ABLIM1: variants seen among roughly 807,000 people sequenced by gnomAD.
ABLIM1 encodes the protein actin-binding LIM protein 1.
A neutral mutation model predicts 107.0 loss-of-function variants in ABLIM1; 40 were observed. The ratio of observed to expected loss-of-function variants is 0.37; its 90% CI spans 0.29 to 0.49. The LOEUF (loss-of-function observed/expected upper bound fraction) is 0.49, where lower values mean the gene tolerates loss of function less well. Among genes scored for constraint, ABLIM1 ranks in the 20% least tolerant of loss-of-function variants. ABLIM1 has a pLI of 0.97. For missense variants in ABLIM1, 857 were observed against 1,008.5 expected, an observed-to-expected ratio of 0.85 and a Z score of 2.04; for synonymous variants, 357 against 357.3, an observed-to-expected ratio of 1.00 and a Z score of 0.01.
chr10:114,713,617 T>C (rs1256478397), intron 1 of ABLIM1, among the ~76,000 whole-genome samples: 1 of 152,224 alleles, frequency 6.6e-6, no homozygotes, highest in African/African-American at 2.4e-5. Context: ...TTTTCATTTG[T>C]GTTGGTCTTT....
chr10:114,591,764 G>T (rs541083267), intron 2 of ABLIM1, among the ~76,000 whole-genome samples: 1 of 124,968 alleles, frequency 8.0e-6, no homozygotes, highest in African/African-American at 3.1e-5. Context: ...GAGACCAGAA[G>T]TATTTCAAAC....
At chr10:114,590,146 G>A (rs2074695530) in intron 2 of ABLIM1, among the ~76,000 whole-genome samples, 1 of 152,156 alleles carries the variant, frequency 6.6e-6, no homozygotes, top group Non-Finnish European at 1.5e-5. Context: ...CATAGCCTAG[G>A]AGTAATAGGC....
chr10:114,571,853 G>T (rs1364462397), intron 3 of ABLIM1, among the ~76,000 whole-genome samples: 1 of 152,196 alleles, frequency 6.6e-6, no homozygotes, highest in East Asian at 1.9e-4. Flanking sequence ...CTGGGACCGT[G>T]CCTAGACCTC....
intron 1 of ABLIM1, among the ~76,000 whole-genome samples, chr10:114,638,711 G>A (rs145172686): frequency 3.1e-3 from 470 of 151,572 alleles, no homozygotes; most frequent in Non-Finnish European, 5.6e-3. Flanking sequence ...ACATCAACAG[G>A]CATTTCTAAA....
At chr10:114,644,329 A>ATATATATATATATATATGTG (rs1158947105) in intron 1 of ABLIM1, among the ~76,000 whole-genome samples, 6 of 114,978 alleles carry the variant, frequency 5.2e-5, no homozygotes, top group African/African-American at 2.5e-4. Context: ...ATATATATAT[A>ATATATATATATATATATGTG]TGTGTATATA....
upstream of ABLIM1, among the ~76,000 whole-genome samples, chr10:114,771,938 A>C (rs1490320371): frequency 1.3e-5 from 2 of 152,084 alleles, no homozygotes; most frequent in Non-Finnish European, 2.9e-5. Context: ...TTCTTTATTG[A>C]TTTTTTAAAT....
chr10:114,690,558 T>C (rs1421382159), intron 1 of ABLIM1: 3 of 1,155,048 alleles, frequency 2.6e-6, no homozygotes, highest in East Asian at 2.3e-5. Flanking sequence ...CTTTGGAAAC[T>C]TGTCTGCAAA....
At chr10:114,507,439 C>T (rs1383530303) in intron 6 of ABLIM1, among the ~76,000 whole-genome samples, 1 of 152,236 alleles carries the variant, frequency 6.6e-6, no homozygotes, top group African/African-American at 2.4e-5. Flanking sequence ...GCAAGGCTTA[C>T]ACCTTTGGAT....
chr10:114,605,625 C>A (rs1442372686), intron 1 of ABLIM1, among the ~76,000 whole-genome samples: 1 of 152,134 alleles, frequency 6.6e-6, no homozygotes. Context: ...CATGGCTCAT[C>A]AATTTTGTTG....
intron 1 of ABLIM1, among the ~76,000 whole-genome samples, chr10:114,615,060 AAAAG>A (rs1245158108): frequency 1.1e-4 from 16 of 151,696 alleles, no homozygotes; most frequent in African/African-American, 3.1e-4. Flanking sequence ...CAAAAAAAAA[AAAAG>A]AAAGAAAGAA....
chr10:114,570,301 G>A (rs2071452659), intron 4 of ABLIM1, among the ~76,000 whole-genome samples: 1 of 152,142 alleles, frequency 6.6e-6, no homozygotes, highest in South Asian at 2.1e-4. Context: ...CAGAAGAAAT[G>A]GTGCAATTGG....
intron 18 of ABLIM1, 128 bp downstream of exon 18, chr10:114,441,594 G>A: frequency 1.3e-6 from 1 of 792,816 alleles, no homozygotes; most frequent in Non-Finnish European, 2.0e-6. Context: ...CAACCAGGGA[G>A]GTTAAAATTT....
Position 114,434,269 on chromosome 10 carries a change from TTAG to T in ABLIM1, c.*1988_*1990del, listed in dbSNP as rs1430780148. On this transcript the variant is annotated 3_prime_UTR_variant, in exon 23 of 23. Transcript: ENST00000533213. ...CTGTCAGAGCCATTTGCTAAACATG[TTAG>T]TAGATCCAACACACACACACACACA... 6.8e-6 allele frequency: 1 copy of T among 146,284 alleles called. No homozygotes were observed. The highest frequency in any genetic ancestry group is 1.5e-5 in the Non-Finnish European group (1 of 68,042). The allele number at this position is 146,284 out of a possible 1,614,324, so 9.1% of individuals were successfully genotyped here. A position where few individuals can be genotyped will look rare whatever the true frequency, so the allele number is the denominator to read the frequency against.
intron 7 of ABLIM1, 105 bp from the exon 8 acceptor site, chr10:114,488,121 A>AG (rs2058449476): frequency 8.3e-7 from 1 of 1,210,930 alleles, no homozygotes; most frequent in African/African-American, 1.5e-5. Flanking sequence ...TCCCCATCAT[A>AG]GGAAGGTGTT....
chr10:114,573,884 G>C (rs946073707), intron 3 of ABLIM1, among the ~76,000 whole-genome samples: 39 of 152,136 alleles, frequency 2.6e-4, no homozygotes, highest in African/African-American at 9.2e-4. Flanking sequence ...CAGGCTGTGT[G>C]CCACAGCCTG....
chr10:114,508,238 T>G (rs1404604169), intron 6 of ABLIM1, among the ~76,000 whole-genome samples: 1 of 152,162 alleles, frequency 6.6e-6, no homozygotes, highest in Non-Finnish European at 1.5e-5. Flanking sequence ...ACTTTCCAGG[T>G]CAAAGAGCCC....
At chr10:114,791,495 G>C in the ABLIM1 span, among the ~76,000 whole-genome samples, 2 of 151,942 alleles carry the variant, frequency 1.3e-5, no homozygotes, top group Non-Finnish European at 2.9e-5. Context: ...AAAATTAGAC[G>C]GGCGTGGTGG....
chr10:114,559,438 CA>C (rs72456292), intron 4 of ABLIM1, among the ~76,000 whole-genome samples: 364 of 49,354 alleles, frequency 7.4e-3, no homozygotes, highest in Non-Finnish European at 0.01. Flanking sequence ...ACTCGTCTCT[CA>C]AAAAAAAAAA....
At chr10:114,708,961 G>A (rs2081483815) in intron 1 of ABLIM1, among the ~76,000 whole-genome samples, 1 of 152,252 alleles carries the variant, frequency 6.6e-6, no homozygotes, top group East Asian at 1.9e-4. Flanking sequence ...CATTGGAATG[G>A]CACTGGTATT....
Sources: gnomAD v4.1 joint callset for allele counts (sites outside exome capture counted in the v4.1 genomes callset) on GRCh38, gnomAD v4.1.1 for gene constraint, MANE v1.5 for transcripts, NCBI Gene and HGNC (gene_info 2026-07-23, HGNC 2026-07-21) for gene names.